Variants in TMEM132D observed in about 807,000 individuals in gnomAD.
TMEM132D encodes mature OL transmembrane protein.
A neutral mutation model predicts 62.3 loss-of-function variants in TMEM132D; 21 were observed. That is an observed-to-expected ratio of 0.34 (90% confidence interval 0.24 to 0.49). TMEM132D has a LOEUF of 0.49. Among genes scored for constraint, TMEM132D ranks in the 20% least tolerant of loss-of-function variants. The probability of loss-of-function intolerance (pLI) is 0.99; values close to 1 mark genes in which losing one functional copy is unlikely to be tolerated. For synonymous variants in TMEM132D, 621 were observed against 575.6 expected, an observed-to-expected ratio of 1.08 and a Z score of -1.13; for missense variants, 1,346 against 1,402.8, an observed-to-expected ratio of 0.96 and a Z score of 0.65.
At chr12:129,420,843 T>C (rs1593372909) in intron 3 of TMEM132D, among the ~76,000 whole-genome samples, 1 of 152,298 alleles carries the variant, frequency 6.6e-6, no homozygotes, top group Middle Eastern at 3.4e-3. Flanking sequence ...GGAATGTTTT[T>C]GTGTTTCCAA....
chr12:129,638,605 TATAAATTCA>T (rs1879555855), intron 2 of TMEM132D, among the ~76,000 whole-genome samples: 1 of 61,798 alleles, frequency 1.6e-5, no homozygotes, highest in Non-Finnish European at 3.5e-5. Context: ...TTTATATATA[TATAAATTCA>T]GCATATATAT....
At chr12:129,410,287 T>C (rs1871927429) in intron 3 of TMEM132D, among the ~76,000 whole-genome samples, 1 of 152,228 alleles carries the variant, frequency 6.6e-6, no homozygotes. Flanking sequence ...AGTGTATTCG[T>C]CCATTCTCAC....
At chr12:129,839,916 G>C (rs977420799) in intron 1 of TMEM132D, 5 of 152,246 alleles carry the variant, frequency 3.3e-5, no homozygotes, top group African/African-American at 1.2e-4. Flanking sequence ...CAGAACGTCC[G>C]TGAGTGTCTG....
chr12:129,571,074 T>C (rs1304511605), intron 2 of TMEM132D, among the ~76,000 whole-genome samples: 1 of 152,234 alleles, frequency 6.6e-6, no homozygotes, highest in African/African-American at 2.4e-5. Context: ...GATAATTCTA[T>C]GCCATCTGAA....
At chr12:129,512,419 G>C (rs1875521507) in intron 3 of TMEM132D, among the ~76,000 whole-genome samples, 2 of 152,200 alleles carry the variant, frequency 1.3e-5, no homozygotes, top group South Asian at 4.1e-4. Flanking sequence ...ATCGTCAAAA[G>C]AGACGAGCCC....
At chr12:129,720,222 A>G (rs1051753221) in intron 1 of TMEM132D, among the ~76,000 whole-genome samples, 1 of 152,202 alleles carries the variant, frequency 6.6e-6, no homozygotes, top group Non-Finnish European at 1.5e-5. Context: ...TGACACAGCA[A>G]CATTCCTAGT....
chr12:129,603,108 C>T (rs1219645544), intron 2 of TMEM132D, among the ~76,000 whole-genome samples: 2 of 152,182 alleles, frequency 1.3e-5, no homozygotes, highest in Non-Finnish European at 2.9e-5. Flanking sequence ...CAGAGCCAAA[C>T]TATATCCATT....
chr12:129,812,446 C>T (rs1872215315), intron 1 of TMEM132D, among the ~76,000 whole-genome samples: 1 of 151,762 alleles, frequency 6.6e-6, no homozygotes. Flanking sequence ...ACTCATTTTC[C>T]CTTTAATACT....
chr12:129,238,996 G>GGTTTTTTTTTTTTTTTTTTTTTTT (rs374959544), intron 4 of TMEM132D, among the ~76,000 whole-genome samples: 2 of 133,042 alleles, frequency 1.5e-5, no homozygotes, highest in Non-Finnish European at 1.6e-5. Context: ...GTTATTTTCT[G>GGTTTTTTTTTTTTTTTTTTTTTTT]TTTTTTTTTT....
chr12:129,734,620 A>G (rs542015714), intron 1 of TMEM132D, among the ~76,000 whole-genome samples: 1 of 152,352 alleles, frequency 6.6e-6, no homozygotes, highest in Admixed American at 6.5e-5. Flanking sequence ...GAGGTCTTAT[A>G]TTAGTTGGAC....
intron 4 of TMEM132D, among the ~76,000 whole-genome samples, chr12:129,242,060 G>T (rs1055580589): frequency 1.3e-5 from 2 of 152,144 alleles, no homozygotes; most frequent in Non-Finnish European, 2.9e-5. Context: ...GCACTTAGTG[G>T]CATTCATTCT....
At chr12:129,566,743 C>T (rs1463034189) in intron 2 of TMEM132D, among the ~76,000 whole-genome samples, 2 of 152,156 alleles carry the variant, frequency 1.3e-5, no homozygotes, top group Non-Finnish European at 2.9e-5. Context: ...GAGCCTGGCA[C>T]CATTTTATGT....
intron 5 of TMEM132D, among the ~76,000 whole-genome samples, chr12:129,151,823 T>C (rs1004028867): frequency 6.6e-6 from 1 of 152,066 alleles, no homozygotes; most frequent in African/African-American, 2.4e-5. Context: ...GTATATTACC[T>C]GGACGAATCC....
chr12:129,801,330 C>T lies in TMEM132D; in HGVS notation c.80-100632G>A, dbSNP rs374712985. 1.3e-3 allele frequency among the ~76,000 whole-genome samples: 176 copies of T among 132,856 alleles called. 1 individual carries two copies. Among genetic ancestry groups the T allele is most frequent in the South Asian group, 8.6e-3 (32 of 3,726 alleles). The allele number at this position is 132,856 out of a possible 152,430, so 87.2% of individuals were successfully genotyped here. On this transcript the variant is annotated intron_variant, in intron 1 of 8. Coordinates refer to ENST00000422113, the MANE Select transcript of TMEM132D (RefSeq NM_133448.3). ...GAAGAGAGCAGTGGTTCTCCCAGCA[C>T]GCAGCTGGAGATCTGAGATGGGCAG... is the stretch of plus-strand genomic sequence containing the variant.
chr12:129,198,808 A>G lies in TMEM132D; in HGVS notation c.1443+10712T>C, dbSNP rs185423444. On this transcript the variant is annotated intron_variant, in intron 5 of 8. Coordinates refer to ENST00000422113, the MANE Select transcript of TMEM132D (RefSeq NM_133448.3). ...TCAACTGTCCTCACTACAAAAAATAAGTATCTGAAGTGAAGGATATGTTAA... is the reference window on the plus strand; with the variant it reads ...TCAACTGTCCTCACTACAAAAAATAGGTATCTGAAGTGAAGGATATGTTAA... 9.5e-4 allele frequency among the ~76,000 whole-genome samples: 144 copies of G among 152,338 alleles called. 1 individual carries two copies. Among genetic ancestry groups the G allele is most frequent in the African/African-American group, 3.4e-3 (140 of 41,590 alleles).
intron 4 of TMEM132D, among the ~76,000 whole-genome samples, chr12:129,244,774 C>T (rs557720262): frequency 3.9e-5 from 6 of 152,018 alleles, no homozygotes; most frequent in South Asian, 4.2e-4. Flanking sequence ...CCGAGTACCT[C>T]GAATCACAGG....
chr12:129,153,265 C>A (rs1378349185), intron 5 of TMEM132D, among the ~76,000 whole-genome samples: 1 of 152,146 alleles, frequency 6.6e-6, no homozygotes, highest in Non-Finnish European at 1.5e-5. Flanking sequence ...AATGCAGTAG[C>A]CGCAAGTCAG....
intron 4 of TMEM132D, among the ~76,000 whole-genome samples, chr12:129,315,139 T>C (rs1868440801): frequency 6.6e-6 from 1 of 152,180 alleles, no homozygotes; most frequent in Non-Finnish European, 1.5e-5. Flanking sequence ...CTTTATTTCT[T>C]TCTCTTGTCT....
intron 3 of TMEM132D, among the ~76,000 whole-genome samples, chr12:129,420,185 C>G (rs1352451213): frequency 2.6e-5 from 4 of 152,082 alleles, no homozygotes; most frequent in Non-Finnish European, 4.4e-5. Context: ...AGGAAGAATG[C>G]TCCCACCGAT....
Sources: gnomAD v4.1 joint callset for allele counts (sites outside exome capture counted in the v4.1 genomes callset) on GRCh38, gnomAD v4.1.1 for gene constraint, MANE v1.5 for transcripts, NCBI Gene and HGNC (gene_info 2026-07-23, HGNC 2026-07-21) for gene names.